Variants in PUM3 observed in about 807,000 individuals in gnomAD.
PUM3 encodes the protein pumilio RNA binding family member 3.
In PUM3, 91 loss-of-function variants were observed where a neutral mutation model predicts 84.0. The ratio of observed to expected loss-of-function variants is 1.08; its 90% CI spans 0.91 to 1.29. The LOEUF (loss-of-function observed/expected upper bound fraction) is 1.29. Among genes scored for constraint, PUM3 ranks in the 50% most tolerant of loss-of-function variants. The probability of loss-of-function intolerance (pLI) is 0.00; values close to 1 mark genes in which losing one functional copy is unlikely to be tolerated. For missense variants in PUM3, 1,067 were observed against 767.5 expected (o/e 1.39, Z -4.61); for synonymous variants, 321 against 266.7 (o/e 1.20, Z -1.98).
At chr9:2,821,739 C>G (rs974552130) in intron 12 of PUM3, among the ~76,000 whole-genome samples, 5 of 152,226 alleles carry the variant, frequency 3.3e-5, no homozygotes, top group African/African-American at 1.2e-4. Context: ...TGAGCTGATC[C>G]AGTGATTCTA....
chr9:2,836,971 A>G (rs1015097327), intron 3 of PUM3, among the ~76,000 whole-genome samples: 1 of 152,228 alleles, frequency 6.6e-6, no homozygotes, highest in Non-Finnish European at 1.5e-5. Flanking sequence ...TGGCTAAGGT[A>G]ATTCAGAAAA....
chr9:2,807,412 A>G (rs1821280200), intron 17 of PUM3, among the ~76,000 whole-genome samples: 1 of 151,840 alleles, frequency 6.6e-6, no homozygotes, highest in Admixed American at 6.6e-5. Flanking sequence ...CCTGGCCAAC[A>G]CAGGGAGACC....
At chr9:2,832,165 C>T (rs1001308703) in intron 5 of PUM3, among the ~76,000 whole-genome samples, 1 of 152,166 alleles carries the variant, frequency 6.6e-6, no homozygotes, top group Non-Finnish European at 1.5e-5. Flanking sequence ...ATTTGTAAGA[C>T]ATCTCTTAAG....
In PUM3 at chr9:2,838,640, T is replaced by C; in HGVS notation, c.-10-123A>G. 4 of 620,214 alleles carry C rather than the reference T, an allele frequency of 6.4e-6. No homozygotes were observed. In the South Asian group the frequency reaches 8.6e-5, roughly 13 times the overall value. 38.4% of individuals were successfully genotyped at this position (620,214 alleles called of 1,614,324 possible). On this transcript the variant is annotated intron_variant, in intron 1 of 17. Coordinates refer to ENST00000397885, the MANE Select transcript of PUM3 (RefSeq NM_014878.5). ...ACAAATACAATACAAATCAGCCAGA[T>C]ATAGAATGGACAAGTACTTAAATCC...
chr9:2,825,861 C>A (rs1392061717), intron 10 of PUM3, among the ~76,000 whole-genome samples: 1 of 152,104 alleles, frequency 6.6e-6, no homozygotes, highest in East Asian at 1.9e-4. Context: ...TTAGTCTATT[C>A]CCAATTTAAA....
intron 5 of PUM3, among the ~76,000 whole-genome samples, chr9:2,831,989 C>T (rs2129866175): frequency 6.6e-6 from 1 of 152,208 alleles, no homozygotes; most frequent in Middle Eastern, 3.4e-3. Flanking sequence ...ACCCACTGAC[C>T]AATTTTCTAG....
intron 13 of PUM3, among the ~76,000 whole-genome samples, chr9:2,814,194 C>T (rs1226852530): frequency 6.6e-6 from 1 of 152,250 alleles, no homozygotes; most frequent in Non-Finnish European, 1.5e-5. Flanking sequence ...GGAAAACAAG[C>T]TCCAAAGTGA....
chr9:2,811,827 A>G (rs982502481), intron 14 of PUM3, among the ~76,000 whole-genome samples: 1 of 148,140 alleles, frequency 6.8e-6, no homozygotes, highest in African/African-American at 2.5e-5. Flanking sequence ...AGGGAGTCTG[A>G]CTTGTGTAAT....
At chr9:2,825,415 T>C (rs1011729976) in intron 10 of PUM3, among the ~76,000 whole-genome samples, 2 of 152,208 alleles carry the variant, frequency 1.3e-5, no homozygotes, top group Admixed American at 1.3e-4. Context: ...ACATTTAATT[T>C]CTCACTAGGT....
chr9:2,819,161 C>G (rs1821532865), intron 13 of PUM3, among the ~76,000 whole-genome samples: 2 of 152,154 alleles, frequency 1.3e-5, no homozygotes, highest in South Asian at 4.1e-4. Flanking sequence ...ATTTTCTTAT[C>G]CCCACCCTGC....
chr9:2,807,600 CAAAAAA>C (rs71329449), intron 17 of PUM3, among the ~76,000 whole-genome samples: 6 of 67,116 alleles, frequency 8.9e-5, no homozygotes, highest in Admixed American at 2.4e-4. Context: ...GACTCCATCT[CAAAAAA>C]AAAAAAAAAA....
At chr9:2,837,545 T>C in intron 2 of PUM3, 144 bp from the exon 3 acceptor site, 1 of 596,548 alleles carries the variant, frequency 1.7e-6, no homozygotes, top group East Asian at 2.9e-5. Flanking sequence ...GCCTTTTGAG[T>C]AGAACTGGAT....
intron 3 of PUM3, among the ~76,000 whole-genome samples, 198 bp downstream of exon 3, chr9:2,836,982 G>T (rs1416457602): frequency 3.3e-5 from 5 of 152,158 alleles, no homozygotes; most frequent in African/African-American, 1.2e-4. Flanking sequence ...ATTCAGAAAA[G>T]GGCTAAGAAA....
rs1821221454 is a variant in PUM3, at chr9:2,804,434, G to C, written c.1844C>G (p.Ala615Gly). The C allele has an allele frequency of 6.2e-7, 1 of 1,613,746 alleles. No homozygotes were observed. Among genetic ancestry groups the C allele is most frequent in the Non-Finnish European group, 8.5e-7 (1 of 1,179,874 alleles). ...TTTCAGTGCAGCTTTGACTTTGTTT[G>C]CAACTTCCAGGTCACAACTCTGGAG... ...SLLQSCDLEV[A>G]NKVKAALKSL... is the part of the protein sequence containing the mutation. Residue 615 changes from alanine (A) to glycine (G), a missense_variant, in exon 18 of 18, where the codon GCA (alanine) becomes GGA (glycine). Transcript: ENST00000397885.
At position 2,837,383 on chromosome 9, in the gene PUM3, G is replaced by C; in HGVS notation, c.101C>G (p.Thr34Arg). Residue 34 changes from threonine to arginine, a missense_variant, in exon 3 of 18, where the codon ACA becomes AGA. Thr to Arg is a moderately conservative substitution (Grantham distance 71). Transcript: ENST00000397885. ...HKNSDSGSSK[T>R]FPTRKVAKEG... ...TTTAGCAACTTTCCTTGTTGGAAAT[G>C]TCTTTGAAGAACCAGAATCTAGTGA... is the stretch of plus-strand genomic sequence containing the variant. 1 of 1,611,296 alleles carries C rather than the reference G, an allele frequency of 6.2e-7. No individual in the cohort carries two copies. Among genetic ancestry groups the C allele is most frequent in the Non-Finnish European group, 8.5e-7 (1 of 1,177,986 alleles).
At chr9:2,831,173 G>T in intron 6 of PUM3, 78 bp downstream of exon 6, 2 of 1,140,346 alleles carry the variant, frequency 1.8e-6, no homozygotes, top group South Asian at 1.3e-5. Context: ...TTGTTTTCTA[G>T]GACAGTCTTG....
At chr9:2,805,064 G>A (rs1433236275) in intron 17 of PUM3, among the ~76,000 whole-genome samples, 1 of 152,172 alleles carries the variant, frequency 6.6e-6, no homozygotes, top group African/African-American at 2.4e-5. Context: ...GTACAACCAA[G>A]AGCATGCTAT....
intron 13 of PUM3, among the ~76,000 whole-genome samples, chr9:2,817,693 G>C (rs750771451): frequency 3.9e-4 from 59 of 152,140 alleles, no homozygotes; most frequent in Non-Finnish European, 7.2e-4. Context: ...GTAGATATGG[G>C]GCGATGATAG....
intron 17 of PUM3, among the ~76,000 whole-genome samples, chr9:2,805,427 T>C (rs1464582226): frequency 1.3e-5 from 2 of 152,180 alleles, no homozygotes; most frequent in Non-Finnish European, 2.9e-5. Context: ...AATACGGACC[T>C]CTGAAACACA....
Sources: allele counts gnomAD v4.1 joint callset (sites outside exome capture counted in the v4.1 genomes callset), GRCh38; gene constraint gnomAD v4.1.1; transcripts MANE v1.5; gene names NCBI Gene and HGNC (gene_info 2026-07-23, HGNC 2026-07-21).